Variants in ACTR3C observed in about 807,000 individuals in gnomAD.
The protein encoded by ACTR3C is actin related protein 3C.
ACTR3C carries 18 observed loss-of-function variants against 26.3 expected under a neutral mutation model. The observed-to-expected ratio is 0.68, with a 90% CI of 0.47 to 1.01. ACTR3C has a LOEUF of 1.01. Ranked by LOEUF, ACTR3C falls within the 50% of genes least tolerant of loss-of-function variation. ACTR3C has a pLI of 0.00. For missense variants in ACTR3C, 184 were observed against 250.7 expected (o/e 0.73, Z 1.80); for synonymous variants, 55 against 94.5 (o/e 0.58, Z 2.42).
the ACTR3C span, among the ~76,000 whole-genome samples, chr7:150,217,035 T>C: frequency 0.054 from 7,407 of 136,636 alleles, 523 homozygotes; most frequent in African/African-American, 0.19. Context: ...AGCACATGCC[T>C]CCCCTTAATA....
the ACTR3C span, among the ~76,000 whole-genome samples, chr7:149,993,906 T>C: frequency 6.6e-6 from 1 of 152,214 alleles, no homozygotes; most frequent in African/African-American, 2.4e-5. Context: ...AACATGACAC[T>C]GATTAGTATT....
chr7:149,894,813 T>C, the ACTR3C span, among the ~76,000 whole-genome samples: 2 of 151,882 alleles, frequency 1.3e-5, no homozygotes, highest in East Asian at 3.9e-4. Context: ...AGAGCCATTA[T>C]GGAAAACAGT....
the ACTR3C span, among the ~76,000 whole-genome samples, chr7:149,959,749 C>A: frequency 1.3e-5 from 2 of 152,186 alleles, no homozygotes; most frequent in African/African-American, 4.8e-5. Context: ...GGTCATTTAT[C>A]TACCCTAATA....
At chr7:149,952,084 C>A in the ACTR3C span, among the ~76,000 whole-genome samples, 2,009 of 151,146 alleles carry the variant, frequency 0.013, 49 homozygotes, top group African/African-American at 0.045. Flanking sequence ...GCTCCGCTGT[C>A]TCTTCCTCTT....
chr7:150,213,179 TA>T, the ACTR3C span, among the ~76,000 whole-genome samples: 1 of 152,050 alleles, frequency 6.6e-6, no homozygotes, highest in Admixed American at 6.6e-5. Context: ...CATGAGTTAT[TA>T]AAAAAAATTC....
the ACTR3C span, among the ~76,000 whole-genome samples, chr7:150,057,130 C>T: frequency 6.6e-6 from 1 of 152,094 alleles, no homozygotes. Flanking sequence ...TAGAATTATC[C>T]AATCCAAATA....
the ACTR3C span, among the ~76,000 whole-genome samples, chr7:150,133,037 A>G: frequency 4.5e-3 from 683 of 152,040 alleles, 5 homozygotes; most frequent in African/African-American, 0.016. Flanking sequence ...CTGTTCCTAA[A>G]CTCTAGCAAC....
the ACTR3C span, among the ~76,000 whole-genome samples, chr7:149,910,463 G>A: frequency 1.3e-5 from 2 of 149,864 alleles, no homozygotes; most frequent in Non-Finnish European, 2.9e-5. Context: ...AAATATAAAA[G>A]GGGGGGTGGT....
the ACTR3C span, among the ~76,000 whole-genome samples, chr7:149,991,353 C>CT: frequency 3.6e-4 from 55 of 152,238 alleles, no homozygotes; most frequent in African/African-American, 1.3e-3. Flanking sequence ...GACTACTGAC[C>CT]TTTTTTAAAA....
the ACTR3C span, among the ~76,000 whole-genome samples, chr7:149,928,025 G>C: frequency 5.3e-5 from 8 of 152,140 alleles, no homozygotes; most frequent in Non-Finnish European, 1.2e-4. Flanking sequence ...CTGTAAGACA[G>C]AGGCATCCTC....
At chr7:149,915,702 T>A in the ACTR3C span, among the ~76,000 whole-genome samples, 3 of 151,120 alleles carry the variant, frequency 2.0e-5, no homozygotes, top group African/African-American at 7.4e-5. Flanking sequence ...AAAGAGCCAT[T>A]ATAAAGTGTC....
At chr7:150,288,017 G>A (rs1357362291) in intron 4 of ACTR3C, among the ~76,000 whole-genome samples, 1 of 146,752 alleles carries the variant, frequency 6.8e-6, no homozygotes, top group Non-Finnish European at 1.5e-5. Context: ...GCCTGTTCGC[G>A]ACCACAGAAG....
the ACTR3C span, among the ~76,000 whole-genome samples, chr7:149,937,128 A>G: frequency 1.2e-3 from 180 of 147,092 alleles, no homozygotes; most frequent in East Asian, 1.8e-3. Context: ...CATATTACCA[A>G]CTAATAGTGC....
the ACTR3C span, among the ~76,000 whole-genome samples, chr7:150,038,744 G>T: frequency 7.3e-6 from 1 of 137,556 alleles, no homozygotes; most frequent in South Asian, 2.2e-4. Flanking sequence ...GAGCAACGAT[G>T]GGGGGGTCCT....
intron 6 of ACTR3C, among the ~76,000 whole-genome samples, chr7:150,276,977 A>T (rs1452913626): frequency 1.3e-5 from 2 of 152,218 alleles, no homozygotes; most frequent in Non-Finnish European, 2.9e-5. Flanking sequence ...TGTTTTGTGG[A>T]TGTGGTCAAC....
chr7:149,961,432 A>T, the ACTR3C span, among the ~76,000 whole-genome samples: 2 of 152,142 alleles, frequency 1.3e-5, no homozygotes, highest in African/African-American at 4.8e-5. Flanking sequence ...CAGGAAGTAC[A>T]CAGATAGGAA....
the ACTR3C span, among the ~76,000 whole-genome samples, chr7:150,086,739 G>T: frequency 6.6e-6 from 1 of 152,186 alleles, no homozygotes; most frequent in East Asian, 1.9e-4. Context: ...TCGGTGGCTG[G>T]TCACTCCTCC....
At chr7:150,299,199 T>G (rs1408296090) in intron 1 of ACTR3C, among the ~76,000 whole-genome samples, 1 of 151,132 alleles carries the variant, frequency 6.6e-6, no homozygotes, top group Non-Finnish European at 1.5e-5. Context: ...GCCAGGCTGG[T>G]CTCGAGCTCC....
chr7:150,245,435 A>G (rs1262058543), downstream of ACTR3C: 3 of 152,172 alleles, frequency 2.0e-5, no homozygotes, highest in East Asian at 5.8e-4. Flanking sequence ...CTGCTCTGTC[A>G]TCTCAATGTG....
Sources: gnomAD v4.1 joint callset for allele counts (sites outside exome capture counted in the v4.1 genomes callset) on GRCh38, gnomAD v4.1.1 for gene constraint, MANE v1.5 for transcripts, NCBI Gene and HGNC (gene_info 2026-07-23, HGNC 2026-07-21) for gene names.